The following HDAC5 variants were observed in gnomAD, a reference collection of about 807,000 sequenced individuals.
The protein encoded by HDAC5 is histone deacetylase 5.
A neutral mutation model predicts 133.3 loss-of-function variants in HDAC5; 25 were observed. The ratio of observed to expected loss-of-function variants is 0.19; its 90% confidence interval spans 0.14 to 0.26. The LOEUF is 0.26. Among genes scored for constraint, HDAC5 ranks in the 10% least tolerant of loss-of-function variants. The probability of loss-of-function intolerance (pLI) is 1.00; values close to 1 mark genes in which losing one functional copy is unlikely to be tolerated. For synonymous variants in HDAC5, 589 were observed against 610.8 expected (o/e 0.96, Z 0.53); for missense variants, 1,041 against 1,460.5 (o/e 0.71, Z 4.68).
intron 1 of HDAC5, among the ~76,000 whole-genome samples, chr17:44,119,583 A>G (rs780800709): frequency 4.6e-5 from 7 of 152,214 alleles, no homozygotes; most frequent in Non-Finnish European, 8.8e-5. Context: ...TCCCCGTCCT[A>G]TAAAATTCAG....
Position 44,078,540 on chromosome 17 carries a change from C to G in HDAC5, c.3289G>C (p.Glu1097Gln). ...CGGGCTGCCGCAGCCTGGGCCTGCTCGGCCCCCACCGACAGCAAGGCCATG... is the reference window on the plus strand; with the variant it reads ...CGGGCTGCCGCAGCCTGGGCCTGCTGGGCCCCCACCGACAGCAAGGCCATG... ...SAMALLSVGA[E>Q]QAQAAAAREH... The change falls in exon 26 of 27, where the codon GAG becomes CAG. Residue 1097 changes from glutamate (E) to glutamine (Q), a missense_variant. Glu to Gln is a conservative substitution (Grantham distance 29). Around this residue, in one of 9 missense-constraint regions of HDAC5, gnomAD observed 95 missense variants for 107.3 expected, o/e 0.88. Transcript: ENST00000682912. 6.2e-7 allele frequency: 1 copy of G among 1,612,210 alleles called. No individual in the cohort carries two copies. The highest frequency in any genetic ancestry group is 1.3e-5 in the African/African-American group (1 of 75,032).
chr17:44,100,955 A>G (rs2051567445), intron 3 of HDAC5, among the ~76,000 whole-genome samples: 3 of 148,138 alleles, frequency 2.0e-5, no homozygotes, highest in African/African-American at 7.3e-5. Context: ...CACCCACCTA[A>G]TTTTTTGTAT....
chr17:44,093,834 A>T lies in HDAC5; in HGVS notation c.95T>A (p.Val32Glu), dbSNP rs200463071. ...RTSLHSIPVT[V>E]EVKPVLPRAM... ...TCTTGGCAGCACCGGCTTCACCTCC[A>T]CTGTGGGCAGAAGAGACAGGAAGGA... Residue 32 changes from valine (V) to glutamate (E), a missense_variant and splice_region_variant, in exon 4 of 27, where the codon GTG becomes GAG. Transcript: ENST00000682912. 1 of 1,496,816 alleles carries T rather than the reference A, an allele frequency of 6.7e-7. No homozygotes were observed. Among genetic ancestry groups the T allele is most frequent in the Non-Finnish European group, 8.9e-7 (1 of 1,122,290 alleles). The allele number at this position is 1,496,816 out of a possible 1,614,324, so 92.7% of individuals were successfully genotyped here. A position where few individuals can be genotyped will look rare whatever the true frequency, so the allele number is the denominator to read the frequency against.
At position 44,078,036 on chromosome 17, in the gene HDAC5, G is replaced by C; in HGVS notation, c.*340C>G. The C allele has an allele frequency of 4.1e-6, 1 of 242,298 alleles. No individual in the cohort carries two copies. The allele number at this position is 242,298 out of a possible 1,614,324, so 15.0% of individuals were successfully genotyped here. A position where few individuals can be genotyped will look rare whatever the true frequency, so the allele number is the denominator to read the frequency against. ...CCGACTTCCCGTTCCCTCCTCACTCGGGGGGCCCCAGAACTGGAGAGTACT... is the reference window on the plus strand; with the variant it reads ...CCGACTTCCCGTTCCCTCCTCACTCCGGGGGCCCCAGAACTGGAGAGTACT... On this transcript the variant is annotated 3_prime_UTR_variant, in exon 27 of 27. Coordinates refer to ENST00000682912, the MANE Select transcript of HDAC5 (RefSeq NM_005474.5).
chr17:44,107,905 T>A (rs2052070931), intron 3 of HDAC5, among the ~76,000 whole-genome samples: 1 of 152,058 alleles, frequency 6.6e-6, no homozygotes, highest in African/African-American at 2.4e-5. Flanking sequence ...CTCCATGCCA[T>A]CTCATAAAGT....
chr17:44,087,416 T>A lies in HDAC5; in HGVS notation c.1880A>T (p.Lys627Ile). Residue 627 changes from lysine (K) to isoleucine (I), a missense_variant, in exon 13 of 27, where the codon AAA (lysine) becomes ATA (isoleucine). Transcript: ENST00000682912. ...PDLEEPGAGY[K>I]KLFSDAQPLQ... is the part of the protein sequence containing the mutation. The stretch of plus-strand genomic sequence containing the variant: ...GGGACCAGGGACGGGGCTCACTTTT[T>A]TGTATCCAGCACCAGGCTCCTCCAA... 1 of 997,548 alleles carries A rather than the reference T, an allele frequency of 1.0e-6. No homozygotes were observed. Among genetic ancestry groups the A allele is most frequent in the Non-Finnish European group, 1.6e-6 (1 of 620,384 alleles). The allele number at this position is 997,548 out of a possible 1,614,324, so 61.8% of individuals were successfully genotyped here.
intron 12 of HDAC5, 78 bp downstream of exon 12, chr17:44,088,309 G>T: frequency 6.7e-7 from 1 of 1,498,800 alleles, no homozygotes; most frequent in Non-Finnish European, 8.9e-7. Context: ...CCTGAAAGGA[G>T]GACTTTTCTG....
At chr17:44,113,129 G>A (rs1367180187) in intron 2 of HDAC5, among the ~76,000 whole-genome samples, 2 of 152,198 alleles carry the variant, frequency 1.3e-5, no homozygotes, top group African/African-American at 2.4e-5. Flanking sequence ...GGCTAGCCCT[G>A]TCCCAGCTCT....
In HDAC5 at chr17:44,091,837, G is replaced by A; in HGVS notation, c.1033-6C>T. ...GCTCGGTGCTGAGGGAGCATCTGGGGAGCAGTCAGAAGAGACAGGCATGAG... is the reference window on the plus strand; with the variant it reads ...GCTCGGTGCTGAGGGAGCATCTGGGAAGCAGTCAGAAGAGACAGGCATGAG... On this transcript the variant is annotated splice_polypyrimidine_tract_variant and splice_region_variant and intron_variant, in intron 9 of 26. Transcript: ENST00000682912. The A allele has an allele frequency of 1.9e-6, 3 of 1,549,366 alleles. No individual in the cohort carries two copies. Among genetic ancestry groups the A allele is most frequent in the South Asian group, 2.5e-5 (2 of 80,054 alleles).
chr17:44,078,839 T>C lies in HDAC5; in HGVS notation c.3119A>G (p.Asn1040Ser), dbSNP rs769264705. 6.2e-7 allele frequency: 1 copy of C among 1,614,036 alleles called. No individual in the cohort carries two copies. Among genetic ancestry groups the C allele is most frequent in the African/African-American group, 1.3e-5 (1 of 74,914 alleles). The change falls in exon 25 of 27, where the codon AAC becomes AGC. Residue 1040 changes from asparagine (N) to serine (S), a missense_variant. Physicochemically the swap from Asn to Ser is conservative, Grantham distance 46. Coordinates refer to ENST00000682912, the MANE Select transcript of HDAC5 (RefSeq NM_005474.5). ...LDEAVLQQKP[N>S]INAVATLEKV... ...CTCTAGCGTGGCCACTGCGTTGATGTTGGGCTTTTGCTGCAAGACTGCCTC... is the reference window on the plus strand; with the variant it reads ...CTCTAGCGTGGCCACTGCGTTGATGCTGGGCTTTTGCTGCAAGACTGCCTC...
intron 3 of HDAC5, among the ~76,000 whole-genome samples, chr17:44,105,231 G>C (rs2051858625): frequency 6.6e-6 from 1 of 152,200 alleles, no homozygotes; most frequent in Non-Finnish European, 1.5e-5. Context: ...TCTGAGCCCA[G>C]GGGTGCAGGG....
intron 2 of HDAC5, among the ~76,000 whole-genome samples, chr17:44,116,839 T>G (rs563839477): frequency 3.1e-4 from 47 of 151,788 alleles, no homozygotes; most frequent in Non-Finnish European, 1.5e-4. Context: ...CTGGACAGGG[T>G]CCTAGGAACA....
At chr17:44,080,932 A>G (rs766070367) in intron 20 of HDAC5, 50 bp from the exon 21 acceptor site, 20 of 1,612,372 alleles carry the variant, frequency 1.2e-5, no homozygotes, top group African/African-American at 5.3e-5. Flanking sequence ...CTCTGACCCA[A>G]TGGTCAAATT....
Position 44,091,474 on chromosome 17 carries a change from T to C in HDAC5, c.1183A>G (p.Thr395Ala). ...GCCTGCCTCTCGGCCTCCTGCTGTG[T>C]CGACAGCTTCGGGGAGGCCTGGGGG... The part of the protein sequence containing the change: ...SHLTASPKLS[T>A]QQEAERQALQ... The change falls in exon 11 of 27, where the codon ACA (threonine) becomes GCA (alanine). Residue 395 changes from threonine (T) to alanine (A), a missense_variant. By Grantham distance (58) the Thr-to-Ala change is moderately conservative. This residue lies in a region of HDAC5 where 433 missense variants were observed against 531.6 expected (regional missense o/e 0.81). Coordinates refer to ENST00000682912, the MANE Select transcript of HDAC5 (RefSeq NM_005474.5). 6.5e-7 allele frequency: 1 copy of C among 1,545,206 alleles called. No individual in the cohort carries two copies. The highest frequency in any genetic ancestry group is 8.7e-7 in the Non-Finnish European group (1 of 1,148,920).
At chr17:44,092,963 G>A in intron 6 of HDAC5, 129 bp downstream of exon 6, 1 of 676,710 alleles carries the variant, frequency 1.5e-6, no homozygotes, top group South Asian at 2.0e-5. Context: ...CAGGGATGGG[G>A]GTCCTGTCTC....
chr17:44,085,141 T>C lies in HDAC5; in HGVS notation c.2065A>G (p.Thr689Ala). ...HLFTTGVVYDTFMLKHQCMCG... is the reference protein window; with the variant it reads ...HLFTTGVVYDAFMLKHQCMCG... ...ATGCACTGGTGCTTTAGCATGAACG[T>C]GTCGTAGACCACACCTGGGCCACAG... is the stretch of plus-strand genomic sequence containing the variant. Residue 689 changes from threonine (T) to alanine (A), a missense_variant, in exon 15 of 27, where the codon ACG (threonine) becomes GCG (alanine). Coordinates refer to ENST00000682912, the MANE Select transcript of HDAC5 (RefSeq NM_005474.5). 1 of 1,597,612 alleles carries C rather than the reference T, an allele frequency of 6.3e-7. No individual in the cohort carries two copies. Among genetic ancestry groups the C allele is most frequent in the Non-Finnish European group, 8.6e-7 (1 of 1,166,374 alleles).
rs1468319576 is a variant in HDAC5 at position 44,084,888 on chromosome 17, GGGT to G, written c.2184+131_2184+133del. 11 of 1,312,374 alleles carry G rather than the reference GGGT, an allele frequency of 8.4e-6. 1 individual carries two copies. The highest frequency in any genetic ancestry group is 2.7e-4 in the Middle Eastern group (1 of 3,708). The allele number at this position is 1,312,374 out of a possible 1,614,324, so 81.3% of individuals were successfully genotyped here. ...AAAACAGGCTGCAAGGGATGGAACGGGGTGGTGGGAGAACTGGCCCCGAAGTCT... is the reference window on the plus strand; with the variant it reads ...AAAACAGGCTGCAAGGGATGGAACGGGGTGGGAGAACTGGCCCCGAAGTCT... On this transcript the variant is annotated intron_variant, in intron 15 of 26. Transcript: ENST00000682912.
chr17:44,084,411 C>T (rs2050549313), intron 16 of HDAC5, 144 bp downstream of exon 16: 12 of 947,146 alleles, frequency 1.3e-5, no homozygotes, highest in Non-Finnish European at 1.7e-5. Flanking sequence ...AGGTGTGTGA[C>T]GTGATAATTG....
At chr17:44,108,807 A>AT (rs1567683772) in intron 3 of HDAC5, among the ~76,000 whole-genome samples, 1 of 150,158 alleles carries the variant, frequency 6.7e-6, no homozygotes, top group African/African-American at 2.5e-5. Flanking sequence ...CTCCAGGCCT[A>AT]TATCTGTCCC....
Sources: gnomAD v4.1 joint callset for allele counts (sites outside exome capture counted in the v4.1 genomes callset) on GRCh38, gnomAD v4.1.1 for gene constraint, gnomAD v4.1.1 regional missense constraint, MANE v1.5 for transcripts, NCBI Gene and HGNC (gene_info 2026-07-23, HGNC 2026-07-21) for gene names.